Variants in NBPF8 observed in about 807,000 individuals in gnomAD.
NBPF8 encodes NBPF member 8.
chr1:120,451,362 A>AAT, intron 12 of NBPF8, 80 bp downstream of exon 10: 1 of 219,228 alleles, frequency 4.6e-6, no homozygotes, highest in South Asian at 2.7e-5. Flanking sequence ...GAGACGTAAG[A>AAT]GCTAAGCTGG....
chr1:120,430,863 G>A (rs1196886269), intron 3 of NBPF8, among the ~76,000 whole-genome samples: 3 of 151,696 alleles, frequency 2.0e-5, no homozygotes, highest in Admixed American at 2.0e-4. Flanking sequence ...AATTAGTGGG[G>A]AGATAAACCT....
intron 18 of NBPF8, among the ~76,000 whole-genome samples, chr1:120,460,876 A>C (rs1203007300): frequency 6.6e-6 from 1 of 151,942 alleles, no homozygotes; most frequent in Non-Finnish European, 1.5e-5. Flanking sequence ...ACTGCAGGGA[A>C]ACTTGAGCAC....
chr1:120,415,311 C>A (rs1470921438), upstream of NBPF8, among the ~76,000 whole-genome samples: 1 of 152,032 alleles, frequency 6.6e-6, no homozygotes, highest in African/African-American at 2.4e-5. Flanking sequence ...GGCGGTGAGT[C>A]CGGGACCCGC....
At chr1:120,431,281 G>GTGTGTA (rs1300263012) in intron 3 of NBPF8, among the ~76,000 whole-genome samples, 8 of 119,656 alleles carry the variant, frequency 6.7e-5, no homozygotes, top group Admixed American at 1.7e-4. Context: ...GTGTGTGTGT[G>GTGTGTA]TATATTCACC....
At chr1:120,418,811 G>C (rs1211557867), upstream of NBPF8, among the ~76,000 whole-genome samples, 5 of 150,432 alleles carry the variant, frequency 3.3e-5, no homozygotes, top group African/African-American at 1.2e-4. Context: ...GCATCTCAAA[G>C]TGTTGGGATT....
At chr1:120,434,160 C>T (rs1475005953), upstream of NBPF8, 2 of 151,634 alleles carry the variant, frequency 1.3e-5, no homozygotes, top group Admixed American at 6.6e-5. Flanking sequence ...GATGCAGGTG[C>T]TGTCCTCCTC....
At chr1:120,421,606 CTT>C in intron 1 of NBPF8, among the ~76,000 whole-genome samples, 1 of 148,046 alleles carries the variant, frequency 6.8e-6, no homozygotes, top group South Asian at 2.2e-4. Context: ...CATGCTCTCT[CTT>C]TTTCTTTCCT....
At chr1:120,454,255 C>G (rs2101683174) in intron 15 of NBPF8, 141 bp downstream of exon 13, 2 of 1,548,978 alleles carry the variant, frequency 1.3e-6, no homozygotes, top group East Asian at 4.5e-5. Flanking sequence ...GTTTTTTTGT[C>G]CTTCACAGCT....
At chr1:120,460,230 T>C (rs1481796501) in intron 17 of NBPF8, among the ~76,000 whole-genome samples, 1 of 152,212 alleles carries the variant, frequency 6.6e-6, no homozygotes, top group Non-Finnish European at 1.5e-5. Flanking sequence ...GGGTATTTGA[T>C]GAGAGAAAGC....
chr1:120,454,258 T>G (rs1661371833), intron 15 of NBPF8, 144 bp downstream of exon 13: 2 of 1,544,136 alleles, frequency 1.3e-6, no homozygotes, highest in Admixed American at 3.6e-5. Context: ...TTTTTGTCCT[T>G]CACAGCTAAT....
exon 1 of NBPF8, chr1:120,436,592 T>C (rs1180353430): frequency 6.2e-7 from 1 of 1,605,868 alleles, no homozygotes; most frequent in Non-Finnish European, 8.5e-7. Context: ...CAACGAGAAA[T>C]TGCGCCCCCA....
chr1:120,435,833 T>G (rs1338512462), upstream of NBPF8, among the ~76,000 whole-genome samples: 2 of 150,940 alleles, frequency 1.3e-5, no homozygotes, highest in East Asian at 3.9e-4. Context: ...GTCACTGCAC[T>G]CCAGCCTGGG....
At chr1:120,464,121 CTCTCTCTCTCTCTGTGTGTGTGTG>C (rs1392116582) in intron 22 of NBPF8, among the ~76,000 whole-genome samples, 9 of 38,170 alleles carry the variant, frequency 2.4e-4, no homozygotes, top group African/African-American at 2.3e-3. Flanking sequence ...CTCGTTCTCT[CTCTCTCTCTCTCTGTGTGTGTGTG>C]TGTGTGTGTG....
chr1:120,425,592 A>C (rs1454478899), intron 1 of NBPF8, among the ~76,000 whole-genome samples: 1 of 152,210 alleles, frequency 6.6e-6, no homozygotes, highest in African/African-American at 2.4e-5. Flanking sequence ...GGTCCTCCGT[A>C]TGCTGAACGC....
At chr1:120,422,571 G>A (rs1236189615) in intron 1 of NBPF8, among the ~76,000 whole-genome samples, 1 of 132,982 alleles carries the variant, frequency 7.5e-6, no homozygotes, top group Non-Finnish European at 1.6e-5. Context: ...AGCTTGTTTT[G>A]TAAAATCACT....
intron 1 of NBPF8, among the ~76,000 whole-genome samples, 193 bp downstream of exon 2, chr1:120,420,311 G>A (rs1318233546): frequency 1.3e-5 from 2 of 151,224 alleles, no homozygotes; most frequent in African/African-American, 4.9e-5. Context: ...GACCTGCAGT[G>A]CTGTTGTCAG....
chr1:120,469,238 A>AGAT (rs1277527860), downstream of NBPF8, among the ~76,000 whole-genome samples: 17 of 138,194 alleles, frequency 1.2e-4, 1 homozygote, highest in Admixed American at 3.0e-4. Flanking sequence ...TTTGCTTCTG[A>AGAT]GATTATGGAG....
At chr1:120,469,177 C>G (rs1371508566), downstream of NBPF8, among the ~76,000 whole-genome samples, 2 of 112,462 alleles carry the variant, frequency 1.8e-5, no homozygotes, top group Non-Finnish European at 3.6e-5. Context: ...AAAATACAAT[C>G]TTAGCCACAT....
chr1:120,452,714 T>C (rs1189927078), intron 13 of NBPF8, among the ~76,000 whole-genome samples: 1 of 152,256 alleles, frequency 6.6e-6, no homozygotes, highest in African/African-American at 2.4e-5. Flanking sequence ...GTGAATGACT[T>C]GTCCTTCCTG....
Sources: allele counts gnomAD v4.1 joint callset (sites outside exome capture counted in the v4.1 genomes callset), GRCh38; gene constraint gnomAD v4.1.1; transcripts MANE v1.5; gene names NCBI Gene and HGNC (gene_info 2026-07-23, HGNC 2026-07-21).